EDIL3: variants seen among roughly 807,000 people sequenced by gnomAD.
EDIL3 encodes the protein EGF-like repeat and discoidin I-like domain-containing protein 3.
EDIL3 carries 37 observed loss-of-function variants against 67.4 expected under a neutral mutation model. The ratio of observed to expected loss-of-function variants is 0.55; its 90% CI spans 0.42 to 0.72. The LOEUF is 0.72. Among genes scored for constraint, EDIL3 ranks in the 30% least tolerant of loss-of-function variants. EDIL3 has a pLI of 0.00. For missense variants in EDIL3, 527 were observed against 586.3 expected (o/e 0.90, Z 1.04); for synonymous variants, 195 against 196.3 (o/e 0.99, Z 0.05).
Position 83,941,428 on chromosome 5 carries a change from C to T in EDIL3, c.*1991G>A, listed in dbSNP as rs1457952015. 2 of 151,894 alleles carry T rather than the reference C, an allele frequency of 1.3e-5. No homozygotes were observed. The highest frequency in any genetic ancestry group is 4.8e-5 in the African/African-American group (2 of 41,396). 9.4% of individuals were successfully genotyped at this position (151,894 alleles called of 1,614,324 possible). On this transcript the variant is annotated 3_prime_UTR_variant, in exon 11 of 11. Coordinates refer to ENST00000296591, the MANE Select transcript of EDIL3 (RefSeq NM_005711.5). The stretch of plus-strand genomic sequence containing the variant: ...AAATAATTTTGAAAAACTATATCAT[C>T]ATAAAGCGTAAGTAATAATCTTAAA...
intron 5 of EDIL3, among the ~76,000 whole-genome samples, chr5:84,125,123 G>C (rs1335002729): frequency 1.3e-5 from 2 of 151,870 alleles, no homozygotes; most frequent in African/African-American, 4.8e-5. Flanking sequence ...AGACAGAGGG[G>C]CCAGAAACCC....
At chr5:84,287,366 A>G (rs1034771412) in intron 1 of EDIL3, among the ~76,000 whole-genome samples, 2 of 152,178 alleles carry the variant, frequency 1.3e-5, no homozygotes, top group Admixed American at 1.3e-4. Flanking sequence ...TCTCTGCAGC[A>G]TATCTCCAGA....
chr5:84,356,248 T>C (rs1747478216), intron 1 of EDIL3, among the ~76,000 whole-genome samples: 1 of 152,242 alleles, frequency 6.6e-6, no homozygotes, highest in Admixed American at 6.5e-5. Context: ...GATAAACATA[T>C]GCTTAAACAC....
At chr5:84,118,647 T>C (rs1031964464) in intron 5 of EDIL3, among the ~76,000 whole-genome samples, 2 of 152,188 alleles carry the variant, frequency 1.3e-5, no homozygotes, top group African/African-American at 4.8e-5. Context: ...TCCTACTTCA[T>C]GGAAGCATTT....
Position 84,259,874 on chromosome 5 carries a change from A to C in EDIL3, c.68-5662T>G, listed in dbSNP as rs558680663. ...TTGCAGAAGACAATGGTTAAAAAAA[A>C]CCGAAAAGCCTAAAATAGGTACCTT... On this transcript the variant is annotated intron_variant, in intron 1 of 10. Coordinates refer to ENST00000296591, the MANE Select transcript of EDIL3 (RefSeq NM_005711.5). 3.3e-5 allele frequency among the ~76,000 whole-genome samples: 5 copies of C among 152,286 alleles called. No individual in the cohort carries two copies. In the South Asian group the frequency reaches 6.2e-4, roughly 19 times the overall value.
At chr5:84,080,949 CAT>C (rs1446971763) in intron 6 of EDIL3, among the ~76,000 whole-genome samples, 4 of 152,222 alleles carry the variant, frequency 2.6e-5, no homozygotes, top group Non-Finnish European at 5.9e-5. Context: ...TAGCCTTTGA[CAT>C]GTGTTCAATT....
chr5:84,209,618 G>T (rs1452531803), intron 3 of EDIL3, among the ~76,000 whole-genome samples: 4 of 144,468 alleles, frequency 2.8e-5, no homozygotes, highest in East Asian at 2.1e-4. Context: ...AAAAAATAAA[G>T]GATTAACTAA....
intron 9 of EDIL3, among the ~76,000 whole-genome samples, chr5:84,039,863 T>G (rs1054380455): frequency 7.2e-5 from 11 of 152,068 alleles, no homozygotes; most frequent in Admixed American, 7.2e-4. Flanking sequence ...TATAATAAAT[T>G]TAAATTTAAC....
At chr5:84,240,390 C>G (rs1165053279) in intron 2 of EDIL3, among the ~76,000 whole-genome samples, 1 of 152,000 alleles carries the variant, frequency 6.6e-6, no homozygotes, top group African/African-American at 2.4e-5. Context: ...ACATTGAAGA[C>G]TATATTTTGG....
At chr5:83,969,044 A>T (rs1744745830) in intron 9 of EDIL3, among the ~76,000 whole-genome samples, 2 of 151,806 alleles carry the variant, frequency 1.3e-5, no homozygotes, top group South Asian at 4.1e-4. Flanking sequence ...CATTTTAAAA[A>T]ATATTATTGG....
chr5:84,145,221 T>C (rs1008363313), intron 4 of EDIL3, among the ~76,000 whole-genome samples: 4 of 152,112 alleles, frequency 2.6e-5, no homozygotes, highest in African/African-American at 7.2e-5. Context: ...AAAGGAGATA[T>C]GGAAGATTGC....
intron 9 of EDIL3, among the ~76,000 whole-genome samples, chr5:83,997,668 A>T: frequency 6.6e-6 from 1 of 152,180 alleles, no homozygotes; most frequent in East Asian, 1.9e-4. Context: ...TTGTTAACAA[A>T]GACTTAAGAG....
At chr5:84,048,330 T>G (rs1245508665) in intron 9 of EDIL3, 1 of 406,506 alleles carries the variant, frequency 2.5e-6, no homozygotes, top group East Asian at 8.0e-5. Context: ...AGTTATAAAT[T>G]TTATGTCTAG....
At chr5:84,101,245 T>G (rs1747360199) in intron 6 of EDIL3, among the ~76,000 whole-genome samples, 1 of 152,104 alleles carries the variant, frequency 6.6e-6, no homozygotes, top group South Asian at 2.1e-4. Context: ...AATTATATAT[T>G]TTTTGTAATC....
intron 9 of EDIL3, among the ~76,000 whole-genome samples, chr5:83,964,800 A>G (rs539320342): frequency 2.6e-5 from 4 of 152,182 alleles, no homozygotes; most frequent in African/African-American, 9.6e-5. Context: ...TCAAAAATCA[A>G]ATTTTTTGGC....
chr5:84,090,470 T>C (rs1747146083), intron 6 of EDIL3, among the ~76,000 whole-genome samples: 1 of 152,140 alleles, frequency 6.6e-6, no homozygotes, highest in African/African-American at 2.4e-5. Context: ...GGATAACCAA[T>C]ATCAAAATTC....
rs146323484 is a variant in EDIL3 at position 84,179,182 on chromosome 5, C to G, written c.355+1211G>C. 2.9e-3 allele frequency among the ~76,000 whole-genome samples: 447 copies of G among 152,172 alleles called. 1 individual carries two copies. Among genetic ancestry groups the G allele is most frequent in the African/African-American group, 0.011 (436 of 41,510 alleles). On this transcript the variant is annotated intron_variant, in intron 4 of 10. Transcript: ENST00000296591. ...TCATGGGATTAAGTGAACATCAAGGCTCCTGAGATTCTGGGCTCCTATCTT... is the reference window on the plus strand; with the variant it reads ...TCATGGGATTAAGTGAACATCAAGGGTCCTGAGATTCTGGGCTCCTATCTT...
intron 4 of EDIL3, among the ~76,000 whole-genome samples, chr5:84,147,496 T>C (rs1015844122): frequency 4.6e-5 from 7 of 152,116 alleles, no homozygotes; most frequent in African/African-American, 1.7e-4. Context: ...TTAAGGTGGT[T>C]ATGCCAATTT....
chr5:83,980,318 A>G (rs1208323232), intron 9 of EDIL3, among the ~76,000 whole-genome samples: 1 of 152,038 alleles, frequency 6.6e-6, no homozygotes, highest in Non-Finnish European at 1.5e-5. Flanking sequence ...ATTTACTATA[A>G]AACGGCAACA....
Sources: gnomAD v4.1 joint callset for allele counts (sites outside exome capture counted in the v4.1 genomes callset) on GRCh38, gnomAD v4.1.1 for gene constraint, MANE v1.5 for transcripts, NCBI Gene and HGNC (gene_info 2026-07-23, HGNC 2026-07-21) for gene names.